The following NKAIN3 variants were observed in gnomAD, a reference collection of about 807,000 sequenced individuals.
NKAIN3 encodes sodium/potassium transporting ATPase interacting 3.
NKAIN3 carries 25 observed loss-of-function variants against 30.2 expected under a neutral mutation model. The observed-to-expected ratio is 0.83, with a 90% CI of 0.60 to 1.16. The LOEUF (loss-of-function observed/expected upper bound fraction) is 1.16, where lower values mean the gene tolerates loss of function less well. Among genes scored for constraint, NKAIN3 ranks in the 50% most tolerant of loss-of-function variants. The pLI is 0.00. For synonymous variants in NKAIN3, 91 were observed against 89.6 expected, an observed-to-expected ratio of 1.02 and a Z score of -0.09; for missense variants, 225 against 254.1, an observed-to-expected ratio of 0.89 and a Z score of 0.78.
intron 1 of NKAIN3, among the ~76,000 whole-genome samples, chr8:62,315,317 T>G (rs958388918): frequency 1.3e-5 from 2 of 152,174 alleles, no homozygotes; most frequent in African/African-American, 4.8e-5. Context: ...GAAATATTAT[T>G]TTAGCCCATG....
chr8:62,398,840 C>T (rs1445659557), intron 1 of NKAIN3, among the ~76,000 whole-genome samples: 2 of 152,234 alleles, frequency 1.3e-5, no homozygotes, highest in Non-Finnish European at 2.9e-5. Context: ...GCCTGTAATC[C>T]CAGCACTTTG....
rs565611976 is a variant in NKAIN3, at chr8:62,748,354, A to G, written c.471+1225A>G. Among the ~76,000 whole-genome samples, 442 of 152,270 alleles carry G rather than the reference A, an allele frequency of 2.9e-3. 1 individual carries two copies. Among genetic ancestry groups the G allele is most frequent in the African/African-American group, 0.01 (420 of 41,550 alleles). On this transcript the variant is annotated intron_variant, in intron 4 of 6. Transcript: ENST00000623646. ...TGGCTTCTCTTTCTGGGAAAAAAAAAAAATTGACCGATTCTCAGGCAACAA... is the reference window on the plus strand; with the variant it reads ...TGGCTTCTCTTTCTGGGAAAAAAAAGAAATTGACCGATTCTCAGGCAACAA...
At chr8:62,947,849 C>T (rs1823168673) in intron 5 of NKAIN3, among the ~76,000 whole-genome samples, 1 of 152,224 alleles carries the variant, frequency 6.6e-6, no homozygotes, top group African/African-American at 2.4e-5. Flanking sequence ...AATGCACCAC[C>T]TCAGAAGCTG....
intron 3 of NKAIN3, among the ~76,000 whole-genome samples, chr8:62,736,528 T>C (rs1382324378): frequency 1.3e-5 from 2 of 152,146 alleles, no homozygotes; most frequent in African/African-American, 2.4e-5. Context: ...ACTCTCACCA[T>C]GTCACCGTGC....
chr8:62,934,843 G>A (rs887820139), intron 5 of NKAIN3, among the ~76,000 whole-genome samples: 1 of 152,010 alleles, frequency 6.6e-6, no homozygotes, highest in East Asian at 1.9e-4. Flanking sequence ...GGGAAAAAAC[G>A]GGGTAGAAAA....
intron 1 of NKAIN3, among the ~76,000 whole-genome samples, chr8:62,446,421 T>C (rs1805488079): frequency 6.6e-6 from 1 of 152,132 alleles, no homozygotes; most frequent in Non-Finnish European, 1.5e-5. Flanking sequence ...CCTTGTGTAA[T>C]GAGCGCCATT....
rs567653898 is a variant in NKAIN3, at chr8:62,536,614, A to G, written c.55-42925A>G. ...GTAAGGCCTGAGGAAAACATGACAA[A>G]CAGGGACAGGTTTTGAGACCATGAG... On this transcript the variant is annotated intron_variant, in intron 1 of 6. Coordinates refer to ENST00000623646, the MANE Select transcript of NKAIN3 (RefSeq NM_001304533.3). Among the ~76,000 whole-genome samples, 10 of 152,076 alleles carry G rather than the reference A, an allele frequency of 6.6e-5. No individual in the cohort carries two copies. In the East Asian group the frequency reaches 1.9e-3, roughly 29 times the overall value.
At chr8:62,713,066 A>G (rs1384392923) in intron 3 of NKAIN3, among the ~76,000 whole-genome samples, 1 of 152,104 alleles carries the variant, frequency 6.6e-6, no homozygotes, top group Non-Finnish European at 1.5e-5. Context: ...GGGGGCACTC[A>G]CAGTATTTGG....
At chr8:62,723,709 C>T (rs1216907349) in intron 3 of NKAIN3, among the ~76,000 whole-genome samples, 1 of 152,070 alleles carries the variant, frequency 6.6e-6, no homozygotes, top group African/African-American at 2.4e-5. Flanking sequence ...TAAAGCATCC[C>T]TTATTAAATG....
chr8:62,499,766 C>T (rs1204114262), intron 1 of NKAIN3, among the ~76,000 whole-genome samples: 1 of 151,996 alleles, frequency 6.6e-6, no homozygotes, highest in Non-Finnish European at 1.5e-5. Flanking sequence ...ACCTTGAAAC[C>T]AGAGATTAAA....
intron 4 of NKAIN3, among the ~76,000 whole-genome samples, chr8:62,760,520 G>A (rs576137999): frequency 4.0e-5 from 6 of 151,168 alleles, no homozygotes; most frequent in East Asian, 2.0e-4. Context: ...GCAAACTATC[G>A]CAAGGACAAA....
chr8:62,990,313 T>C, intron 5 of NKAIN3: 1 of 1,394,258 alleles, frequency 7.2e-7, no homozygotes, highest in Non-Finnish European at 9.4e-7. Context: ...GATGCATTAT[T>C]TTAGAGTGTC....
chr8:62,368,305 T>C (rs972622310), intron 1 of NKAIN3, among the ~76,000 whole-genome samples: 1 of 152,180 alleles, frequency 6.6e-6, no homozygotes, highest in African/African-American at 2.4e-5. Flanking sequence ...TCTCAAAATC[T>C]ATTATGAAGC....
rs763743222 is a variant in NKAIN3 at position 62,249,047 on chromosome 8, C to G, written c.-27C>G. On this transcript the variant is annotated 5_prime_UTR_variant, in exon 1 of 7. Coordinates refer to ENST00000623646, the MANE Select transcript of NKAIN3 (RefSeq NM_001304533.3). ...GCGGAGGACGAGGATCTCTGGCAGT[C>G]AGCGCCGCTCGGACGCCGCCGGCAC... 9.1e-6 allele frequency: 14 copies of G among 1,530,736 alleles called. No homozygotes were observed. The South Asian group carries it at 1.6e-4, about 17-fold the overall frequency. The allele number at this position is 1,530,736 out of a possible 1,614,324, so 94.8% of individuals were successfully genotyped here. A position where few individuals can be genotyped will look rare whatever the true frequency, so the allele number is the denominator to read the frequency against.
At chr8:62,270,271 AG>A (rs1282492713) in intron 1 of NKAIN3, among the ~76,000 whole-genome samples, 1 of 152,008 alleles carries the variant, frequency 6.6e-6, no homozygotes, top group East Asian at 1.9e-4. Flanking sequence ...TTGTAGAGAT[AG>A]GGTCTTGCCA....
chr8:62,727,403 T>C (rs984016794), intron 3 of NKAIN3, among the ~76,000 whole-genome samples: 64 of 152,018 alleles, frequency 4.2e-4, no homozygotes, highest in African/African-American at 1.2e-3. Context: ...AAGGAAGAAA[T>C]AAAACTTTGT....
At chr8:62,802,222 C>T (rs1818091842) in intron 4 of NKAIN3, among the ~76,000 whole-genome samples, 1 of 152,116 alleles carries the variant, frequency 6.6e-6, no homozygotes. Context: ...AGAAATTCCC[C>T]AATCTAGCAA....
chr8:62,453,661 TTAAA>T (rs1180417084), intron 1 of NKAIN3, among the ~76,000 whole-genome samples: 1 of 151,702 alleles, frequency 6.6e-6, no homozygotes, highest in Non-Finnish European at 1.5e-5. Context: ...AAGAGAAAGT[TTAAA>T]TAAACACAAT....
At chr8:62,503,339 T>G (rs1216955850) in intron 1 of NKAIN3, among the ~76,000 whole-genome samples, 1 of 152,070 alleles carries the variant, frequency 6.6e-6, no homozygotes, top group Non-Finnish European at 1.5e-5. Flanking sequence ...GTCACATGCT[T>G]CAAGGGGCAA....
Sources: gnomAD v4.1 joint callset for allele counts (sites outside exome capture counted in the v4.1 genomes callset) on GRCh38, gnomAD v4.1.1 for gene constraint, MANE v1.5 for transcripts, NCBI Gene and HGNC (gene_info 2026-07-23, HGNC 2026-07-21) for gene names.